Variants in ARMC7 observed in about 807,000 individuals in gnomAD.
The protein encoded by ARMC7 is armadillo repeat containing 7.
In ARMC7, 9 loss-of-function variants were observed where a neutral mutation model predicts 14.8. The observed-to-expected ratio is 0.61, with a 90% confidence interval of 0.37 to 1.06. The LOEUF is 1.06. Among genes scored for constraint, ARMC7 ranks in the 50% least tolerant of loss-of-function variants. The pLI is 0.01. For synonymous variants in ARMC7, 125 were observed against 123.4 expected, an observed-to-expected ratio of 1.01 and a Z score of -0.09; for missense variants, 262 against 267.1, an observed-to-expected ratio of 0.98 and a Z score of 0.13.
At chr17:75,114,905 C>T in intron 2 of ARMC7, 1 of 387,260 alleles carries the variant, frequency 2.6e-6, no homozygotes, top group Non-Finnish European at 4.6e-6. Context: ...GTTTCCCTTT[C>T]TCTTAGTGTC....
rs1304708008 is a variant in ARMC7 at position 75,110,589 on chromosome 17, T to C, written c.218T>C (p.Leu73Pro). 3 of 1,614,090 alleles carry C rather than the reference T, an allele frequency of 1.9e-6. No individual in the cohort carries two copies. The highest frequency in any genetic ancestry group is 2.5e-6 in the Non-Finnish European group (3 of 1,180,036). The change falls in exon 2 of 3, where the codon CTG (leucine) becomes CCG (proline). Residue 73 changes from leucine (L) to proline (P), a missense_variant. Coordinates refer to ENST00000245543, the MANE Select transcript of ARMC7 (RefSeq NM_024585.4). ...TCGCTGTCGGAGGAGAATGAGACCC[T>C]GGTGGAGTTTGCTATTGGTAAGGGC... The part of the protein sequence containing the change: ...LDSLSEENET[L>P]VEFAIGGLCN...
Position 75,110,507 on chromosome 17 carries a change from G to C in ARMC7, c.136G>C (p.Asp46His). 6.2e-7 allele frequency: 1 copy of C among 1,614,094 alleles called. No individual in the cohort carries two copies. The highest frequency in any genetic ancestry group is 1.6e-4 in the Middle Eastern group (1 of 6,062). ...VLANLANFAY[D>H]PSNYEYLRQL... ...CGCCAACCTCGCCAACTTCGCTTATGACCCCAGCAACTACGAGTATCTGCG... is the reference window on the plus strand; with the variant it reads ...CGCCAACCTCGCCAACTTCGCTTATCACCCCAGCAACTACGAGTATCTGCG... The change falls in exon 2 of 3, where the codon GAC (aspartate) becomes CAC (histidine). Residue 46 changes from aspartate to histidine, a missense_variant. By Grantham distance (81) the Asp-to-His change is moderately conservative. Coordinates refer to ENST00000245543, the MANE Select transcript of ARMC7 (RefSeq NM_024585.4).
intron 2 of ARMC7, among the ~76,000 whole-genome samples, chr17:75,119,448 T>TTTTG (rs2073996617): frequency 7.4e-6 from 1 of 135,770 alleles, no homozygotes; most frequent in African/African-American, 3.3e-5. Flanking sequence ...GTGATACAGT[T>TTTTG]TTTTCTTTTT....
At chr17:75,116,481 T>G (rs1018457456) in intron 2 of ARMC7, among the ~76,000 whole-genome samples, 1 of 152,110 alleles carries the variant, frequency 6.6e-6, no homozygotes. Context: ...TACAATTAGC[T>G]GGGTGCGGTG....
intron 2 of ARMC7, among the ~76,000 whole-genome samples, chr17:75,125,785 A>G (rs1434082876): frequency 6.6e-6 from 1 of 152,188 alleles, no homozygotes; most frequent in African/African-American, 2.4e-5. Flanking sequence ...CGGAGGTTGC[A>G]GTGAGCCGAG....
chr17:75,118,550 G>A (rs761923788), intron 2 of ARMC7, among the ~76,000 whole-genome samples: 3 of 152,206 alleles, frequency 2.0e-5, no homozygotes, highest in South Asian at 4.1e-4. Context: ...GGAAGGATCC[G>A]GCTACAGCGA....
intron 2 of ARMC7, among the ~76,000 whole-genome samples, chr17:75,113,386 GCT>G (rs1372835153): frequency 6.7e-6 from 1 of 148,950 alleles, no homozygotes; most frequent in African/African-American, 2.5e-5. Flanking sequence ...ATGGAGTCTT[GCT>G]CTGTCGCCCA....
rs766980222 is a variant in ARMC7, at chr17:75,130,060, C to T, written c.*1022C>T. On this transcript the variant is annotated 3_prime_UTR_variant, in exon 3 of 3. Coordinates refer to ENST00000245543, the MANE Select transcript of ARMC7 (RefSeq NM_024585.4). ...CTCTCGTGTACCCCCTCAAGGCTGA[C>T]CCCTTAGATGGCCCAGGAATGGCAG... 4 of 171,746 alleles carry T rather than the reference C, an allele frequency of 2.3e-5. No homozygotes were observed. Among genetic ancestry groups the T allele is most frequent in the East Asian group, 1.7e-4 (1 of 6,034 alleles). The allele number at this position is 171,746 out of a possible 1,614,324, so 10.6% of individuals were successfully genotyped here. A position where few individuals can be genotyped will look rare whatever the true frequency, so the allele number is the denominator to read the frequency against.
chr17:75,113,147 T>TC (rs966754680), intron 2 of ARMC7, among the ~76,000 whole-genome samples: 4 of 151,418 alleles, frequency 2.6e-5, no homozygotes, highest in African/African-American at 4.9e-5. Context: ...TGCTTCAGCC[T>TC]CCCGGGTATG....
intron 2 of ARMC7, among the ~76,000 whole-genome samples, chr17:75,124,176 CCTTTT>C (rs1266396403): frequency 1.3e-5 from 2 of 152,160 alleles, no homozygotes; most frequent in African/African-American, 4.8e-5. Flanking sequence ...AACTCTGTGC[CCTTTT>C]CTTTTCTGGC....
intron 2 of ARMC7, among the ~76,000 whole-genome samples, chr17:75,120,194 G>A (rs62084980): frequency 1.5e-3 from 221 of 152,070 alleles, no homozygotes; most frequent in Non-Finnish European, 2.3e-3. Context: ...GAGCCCCCAC[G>A]CCCGGCCAGC....
chr17:75,116,078 C>G (rs2073970994), intron 2 of ARMC7, among the ~76,000 whole-genome samples: 1 of 152,182 alleles, frequency 6.6e-6, no homozygotes, highest in South Asian at 2.1e-4. Context: ...CACGGAATGA[C>G]AGGAACACCG....
intron 2 of ARMC7, 63 bp from the exon 3 acceptor site, chr17:75,128,614 G>T: frequency 6.4e-7 from 1 of 1,553,876 alleles, no homozygotes; most frequent in South Asian, 1.2e-5. Flanking sequence ...GGGGCTCACG[G>T]GCAGGGGAGG....
intron 2 of ARMC7, among the ~76,000 whole-genome samples, chr17:75,125,433 G>T (rs1463315504): frequency 6.6e-6 from 1 of 152,174 alleles, no homozygotes; most frequent in Admixed American, 6.5e-5. Flanking sequence ...GATGGACTGA[G>T]GTTGGAGACT....
At chr17:75,111,293 A>C (rs1488120150) in intron 2 of ARMC7, among the ~76,000 whole-genome samples, 1 of 151,704 alleles carries the variant, frequency 6.6e-6, no homozygotes, top group Non-Finnish European at 1.5e-5. Context: ...TAAAAATACA[A>C]AAATTAGCCG....
At chr17:75,115,961 G>T (rs2073970101) in intron 2 of ARMC7, among the ~76,000 whole-genome samples, 1 of 152,198 alleles carries the variant, frequency 6.6e-6, no homozygotes, top group Admixed American at 6.6e-5. Context: ...CCCTTTGAGG[G>T]TGAGCTGTCG....
intron 2 of ARMC7, among the ~76,000 whole-genome samples, chr17:75,117,359 G>A (rs919522656): frequency 1.8e-4 from 28 of 152,334 alleles, no homozygotes; most frequent in East Asian, 7.7e-4. Context: ...TTACAGGCGT[G>A]AGCCACTGTG....
intron 2 of ARMC7, among the ~76,000 whole-genome samples, chr17:75,118,608 C>T (rs2073989643): frequency 6.6e-6 from 1 of 152,212 alleles, no homozygotes; most frequent in East Asian, 1.9e-4. Context: ...TCTTTTGTGG[C>T]CTCTTGTGGA....
chr17:75,124,358 G>A (rs1476375102), intron 2 of ARMC7, among the ~76,000 whole-genome samples: 1 of 152,148 alleles, frequency 6.6e-6, no homozygotes, highest in African/African-American at 2.4e-5. Context: ...GGAGAGGGTG[G>A]CTCTCCTGAG....
Sources: gnomAD v4.1 joint callset for allele counts (sites outside exome capture counted in the v4.1 genomes callset) on GRCh38, gnomAD v4.1.1 for gene constraint, MANE v1.5 for transcripts, NCBI Gene and HGNC (gene_info 2026-07-23, HGNC 2026-07-21) for gene names.